VWA8: variants seen among roughly 807,000 people sequenced by gnomAD.
VWA8 encodes the protein von Willebrand factor A domain containing 8.
In VWA8, 221 loss-of-function variants were observed where a neutral mutation model predicts 241.5. That is an observed-to-expected ratio of 0.91 (90% CI 0.82 to 1.02). The LOEUF is 1.02. Among genes scored for constraint, VWA8 ranks in the 50% least tolerant of loss-of-function variants. VWA8 has a pLI of 0.00. For synonymous variants in VWA8, 852 were observed against 827.1 expected, an observed-to-expected ratio of 1.03 and a Z score of -0.52; for missense variants, 2,322 against 2,328.7, an observed-to-expected ratio of 1.00 and a Z score of 0.06.
At chr13:41,754,885 C>G (rs971542660) in intron 21 of VWA8, among the ~76,000 whole-genome samples, 1 of 151,964 alleles carries the variant, frequency 6.6e-6, no homozygotes. Flanking sequence ...GCTTATGTCG[C>G]TTAACATAAT....
intron 21 of VWA8, among the ~76,000 whole-genome samples, chr13:41,745,325 T>A (rs1483167519): frequency 6.6e-6 from 1 of 152,110 alleles, no homozygotes; most frequent in Non-Finnish European, 1.5e-5. Flanking sequence ...GTGTGTGATG[T>A]TCCCGGCTCT....
chr13:41,824,279 A>C (rs1280697493), intron 14 of VWA8, among the ~76,000 whole-genome samples: 2 of 151,980 alleles, frequency 1.3e-5, no homozygotes, highest in Non-Finnish European at 1.5e-5. Flanking sequence ...TACTGGCCCT[A>C]AACACTGTAG....
At chr13:41,679,059 C>T (rs2045079724) in intron 35 of VWA8, among the ~76,000 whole-genome samples, 1 of 152,180 alleles carries the variant, frequency 6.6e-6, no homozygotes, top group Admixed American at 6.5e-5. Flanking sequence ...TAGCCAAGTC[C>T]TCATCCATCC....
At chr13:41,752,807 G>A (rs2137894839) in intron 21 of VWA8, among the ~76,000 whole-genome samples, 1 of 152,278 alleles carries the variant, frequency 6.6e-6, no homozygotes, top group East Asian at 1.9e-4. Context: ...AACCCTGCAA[G>A]CTATTATTAT....
intron 2 of VWA8, among the ~76,000 whole-genome samples, chr13:41,927,906 A>G (rs1876925681): frequency 6.6e-6 from 1 of 152,206 alleles, no homozygotes; most frequent in Non-Finnish European, 1.5e-5. Context: ...ATGGAAGAAG[A>G]TAAGATATTC....
At chr13:41,770,355 G>A (rs1305227285) in intron 20 of VWA8, among the ~76,000 whole-genome samples, 1 of 151,664 alleles carries the variant, frequency 6.6e-6, no homozygotes, top group Non-Finnish European at 1.5e-5. Context: ...GCAGGAGAAT[G>A]GCGTGAACCC....
chr13:41,895,757 G>A (rs187827738), intron 4 of VWA8, among the ~76,000 whole-genome samples: 212 of 148,798 alleles, frequency 1.4e-3, no homozygotes, highest in African/African-American at 5.0e-3. Context: ...GATACGTCCT[G>A]TTTGCTAAAT....
intron 4 of VWA8, among the ~76,000 whole-genome samples, chr13:41,893,462 TAAAA>T (rs36122223): frequency 8.3e-5 from 11 of 131,940 alleles, no homozygotes; most frequent in Non-Finnish European, 3.3e-5. Context: ...AAGCTTTATT[TAAAA>T]AAAAAAAAAA....
chr13:41,853,400 C>T (rs1252273972), intron 12 of VWA8, among the ~76,000 whole-genome samples: 2 of 152,092 alleles, frequency 1.3e-5, no homozygotes, highest in Non-Finnish European at 2.9e-5. Context: ...CAAAACGAGT[C>T]TGAAAGTATT....
At chr13:41,928,417 T>C (rs957619883) in intron 2 of VWA8, among the ~76,000 whole-genome samples, 1 of 152,088 alleles carries the variant, frequency 6.6e-6, no homozygotes, top group Non-Finnish European at 1.5e-5. Context: ...ATCATAATGA[T>C]ATGAAACTAG....
Position 41,777,975 on chromosome 13 carries a change from C to T in VWA8, c.2349+10G>A, listed in dbSNP as rs752845424. The stretch of plus-strand genomic sequence containing the variant: ...TTTTCATTGGTACCTAGATTTTAGC[C>T]ATAACTCACCTGGTTGCCAACCAAT... On this transcript the variant is annotated intron_variant, in intron 20 of 44. Coordinates refer to ENST00000379310, the MANE Select transcript of VWA8 (RefSeq NM_015058.2). 3 of 1,602,394 alleles carry T rather than the reference C, an allele frequency of 1.9e-6. No individual in the cohort carries two copies. The highest frequency in any genetic ancestry group is 3.4e-5 in the Admixed American group (2 of 58,374).
chr13:41,954,434 T>C (rs1225198740), intron 1 of VWA8, among the ~76,000 whole-genome samples: 1 of 152,174 alleles, frequency 6.6e-6, no homozygotes, highest in Non-Finnish European at 1.5e-5. Flanking sequence ...ACTAACACTT[T>C]ATCTCCTCAG....
chr13:41,866,245 G>A (rs1256260182), intron 10 of VWA8, among the ~76,000 whole-genome samples: 1 of 151,908 alleles, frequency 6.6e-6, no homozygotes, highest in African/African-American at 2.4e-5. Context: ...ACTACTCAGG[G>A]GGCTGAGGTA....
chr13:41,605,043 C>T, intron 40 of VWA8, 125 bp downstream of exon 40: 1 of 820,662 alleles, frequency 1.2e-6, no homozygotes, highest in Admixed American at 2.6e-5. Context: ...TTTATGCAGA[C>T]ATTTTCACAC....
chr13:41,591,616 C>A (rs1016205849), intron 40 of VWA8, among the ~76,000 whole-genome samples: 1 of 151,512 alleles, frequency 6.6e-6, no homozygotes, highest in Non-Finnish European at 1.5e-5. Context: ...AACAAATTTA[C>A]AAGAAAAAAA....
intron 21 of VWA8, among the ~76,000 whole-genome samples, chr13:41,747,866 T>C (rs2045621965): frequency 1.3e-5 from 2 of 152,214 alleles, no homozygotes; most frequent in Non-Finnish European, 2.9e-5. Flanking sequence ...CATGTGATTT[T>C]TGTTTTTGGT....
chr13:41,785,978 A>G (rs1410026189), intron 18 of VWA8, among the ~76,000 whole-genome samples: 3 of 152,110 alleles, frequency 2.0e-5, no homozygotes, highest in Non-Finnish European at 2.9e-5. Context: ...CACTCATCCA[A>G]TGTTTATTGT....
At chr13:41,745,664 T>A (rs1366580474) in intron 21 of VWA8, among the ~76,000 whole-genome samples, 1 of 152,234 alleles carries the variant, frequency 6.6e-6, no homozygotes, top group South Asian at 2.1e-4. Context: ...TGAGATGCCA[T>A]CTCTCACCAG....
At chr13:41,925,031 A>G (rs1043167248) in intron 2 of VWA8, among the ~76,000 whole-genome samples, 2 of 152,246 alleles carry the variant, frequency 1.3e-5, no homozygotes, top group Non-Finnish European at 1.5e-5. Context: ...GCATCAAGTC[A>G]CATATAAGGG....
Sources: allele counts gnomAD v4.1 joint callset (sites outside exome capture counted in the v4.1 genomes callset), GRCh38; gene constraint gnomAD v4.1.1; transcripts MANE v1.5; gene names NCBI Gene and HGNC (gene_info 2026-07-23, HGNC 2026-07-21).